Variants in MEGF10 observed in about 807,000 individuals in gnomAD.
MEGF10 encodes the protein multiple epidermal growth factor-like domains protein 10.
MEGF10 carries 86 observed loss-of-function variants against 147.5 expected under a neutral mutation model. The ratio of observed to expected loss-of-function variants is 0.58; its 90% CI spans 0.49 to 0.70. The LOEUF is 0.70. Among genes scored for constraint, MEGF10 ranks in the 30% least tolerant of loss-of-function variants. The pLI is 0.00. For synonymous variants in MEGF10, 478 were observed against 525.5 expected (o/e 0.91, Z 1.24); for missense variants, 1,329 against 1,487.3 (o/e 0.89, Z 1.75).
intron 1 of MEGF10, among the ~76,000 whole-genome samples, chr5:127,303,348 A>AT (rs947775274): frequency 1.8e-4 from 27 of 151,836 alleles, no homozygotes; most frequent in African/African-American, 6.5e-4. Context: ...AAAAAAAAAA[A>AT]AAAAAAAGCA....
rs559878835 is a variant in MEGF10, at chr5:127,295,384, G to A, written c.-19+4328G>A. On this transcript the variant is annotated intron_variant, in intron 1 of 24. Coordinates refer to ENST00000503335, the MANE Select transcript of MEGF10 (RefSeq NM_001256545.2). ...ACCAGCTCAAGTTCAATAAATGTCT[G>A]ATTCAGATGAAAAGATTTGCCATTT... 9.9e-5 allele frequency among the ~76,000 whole-genome samples: 15 copies of A among 152,210 alleles called. No homozygotes were observed. In the South Asian group the frequency reaches 2.5e-3, roughly 25 times the overall value.
At position 127,419,259 on chromosome 5, in the gene MEGF10, G is replaced by A. The variant is rs183730442; in HGVS notation, c.1426+19G>A. The A allele has an allele frequency of 1.1e-4, 171 of 1,607,438 alleles. No homozygotes were observed. The highest frequency in any genetic ancestry group is 1.7e-4 in the Admixed American group (10 of 58,172). The stretch of plus-strand genomic sequence containing the variant: ...AAGGCAGGTAAGAATGGGTAAATAA[G>A]TCTTTAATTTGATCCTGGTCACGTT... On this transcript the variant is annotated intron_variant, in intron 11 of 24. Coordinates refer to ENST00000503335, the MANE Select transcript of MEGF10 (RefSeq NM_001256545.2).
At chr5:127,266,112 G>A in the MEGF10 span, among the ~76,000 whole-genome samples, 1 of 151,816 alleles carries the variant, frequency 6.6e-6, no homozygotes, top group African/African-American at 2.4e-5. Flanking sequence ...GTGTAAGGAA[G>A]GGATCCAGTT....
intron 14 of MEGF10, among the ~76,000 whole-genome samples, chr5:127,433,992 C>T (rs754932470): frequency 4.6e-5 from 7 of 152,228 alleles, no homozygotes; most frequent in Non-Finnish European, 8.8e-5. Context: ...AGACTGTTGA[C>T]ATTGGTCCTT....
chr5:127,285,285 G>T, the MEGF10 span, among the ~76,000 whole-genome samples: 1 of 151,982 alleles, frequency 6.6e-6, no homozygotes, highest in Admixed American at 6.6e-5. Context: ...CCCTTGACAG[G>T]TTCTAAAGAT....
intron 4 of MEGF10, among the ~76,000 whole-genome samples, chr5:127,359,355 T>G (rs1580759832): frequency 6.6e-6 from 1 of 152,076 alleles, no homozygotes; most frequent in Non-Finnish European, 1.5e-5. Context: ...AGGGTTTTTT[T>G]TTGTTGTTTA....
Position 127,430,759 on chromosome 5 carries a change from T to C in MEGF10, c.1694-2604T>C, listed in dbSNP as rs548182671. 3.3e-5 allele frequency among the ~76,000 whole-genome samples: 5 copies of C among 152,312 alleles called. No individual in the cohort carries two copies. The South Asian group carries it at 1.0e-3, about 32-fold the overall frequency. ...GGAAAGACAACTCCACACCTTTCCC[T>C]GGAATTGCCCCCTAACTGAGACATA... On this transcript the variant is annotated intron_variant, in intron 13 of 24. Transcript: ENST00000503335.
intron 1 of MEGF10, among the ~76,000 whole-genome samples, chr5:127,328,986 C>G (rs1761148025): frequency 6.6e-6 from 1 of 152,174 alleles, no homozygotes; most frequent in South Asian, 2.1e-4. Context: ...AAAACTACTA[C>G]TTCTTAGTTA....
the MEGF10 span, among the ~76,000 whole-genome samples, chr5:127,257,741 T>C: frequency 3.3e-5 from 5 of 152,166 alleles, no homozygotes; most frequent in African/African-American, 1.2e-4. Flanking sequence ...TCAAGCATTA[T>C]AAGAAAGCTT....
At chr5:127,308,759 T>TTAGGA (rs1760128366) in intron 1 of MEGF10, among the ~76,000 whole-genome samples, 2 of 152,048 alleles carry the variant, frequency 1.3e-5, no homozygotes, top group Admixed American at 6.6e-5. Context: ...ATATACCTAA[T>TTAGGA]GTTAAATGAC....
intron 4 of MEGF10, among the ~76,000 whole-genome samples, chr5:127,368,578 A>G (rs1473677864): frequency 6.6e-6 from 1 of 152,136 alleles, no homozygotes; most frequent in East Asian, 1.9e-4. Context: ...ATTGCCCCAA[A>G]CACTGCACCC....
intron 1 of MEGF10, among the ~76,000 whole-genome samples, chr5:127,329,218 T>A (rs965752259): frequency 1.3e-5 from 2 of 152,240 alleles, no homozygotes; most frequent in African/African-American, 4.8e-5. Context: ...AATTAATCTA[T>A]AAGTTAATTT....
At chr5:127,382,754 G>A (rs1301780888) in intron 5 of MEGF10, among the ~76,000 whole-genome samples, 1 of 152,164 alleles carries the variant, frequency 6.6e-6, no homozygotes, top group African/African-American at 2.4e-5. Flanking sequence ...AAATTAATAA[G>A]TAAAAGAACC....
intron 8 of MEGF10, among the ~76,000 whole-genome samples, chr5:127,403,860 T>A (rs983844121): frequency 6.6e-6 from 1 of 152,246 alleles, no homozygotes; most frequent in South Asian, 2.1e-4. Flanking sequence ...ACACGTAGGT[T>A]GCTTCCAAAT....
chr5:127,427,930 G>A (rs1284742534), intron 13 of MEGF10, among the ~76,000 whole-genome samples: 1 of 152,124 alleles, frequency 6.6e-6, no homozygotes, highest in Non-Finnish European at 1.5e-5. Context: ...TGTGTCTGCA[G>A]GTTCATATGT....
chr5:127,367,803 A>T (rs1476983983), intron 4 of MEGF10, among the ~76,000 whole-genome samples: 3 of 152,336 alleles, frequency 2.0e-5, no homozygotes, highest in South Asian at 2.1e-4. Context: ...CATAGATGCC[A>T]TCAGTACCTA....
chr5:127,324,122 G>A (rs556030425), intron 1 of MEGF10, among the ~76,000 whole-genome samples: 1 of 152,168 alleles, frequency 6.6e-6, no homozygotes, highest in East Asian at 1.9e-4. Flanking sequence ...TACAATAATA[G>A]GGTATAATTA....
rs1238298311 is a variant in MEGF10 at position 127,447,695 on chromosome 5, T to C, written c.2856+11T>C. ...ATGACTGTCACGAAGGTGAGAGGAATTGGTTCAAGTCTTTGGAAGTGGGCT... is the reference window on the plus strand; with the variant it reads ...ATGACTGTCACGAAGGTGAGAGGAACTGGTTCAAGTCTTTGGAAGTGGGCT... On this transcript the variant is annotated intron_variant, in intron 21 of 24. Transcript: ENST00000503335. The C allele has an allele frequency of 1.9e-5, 30 of 1,613,948 alleles. No homozygotes were observed. Among genetic ancestry groups the C allele is most frequent in the Non-Finnish European group, 2.5e-5 (30 of 1,179,888 alleles).
At chr5:127,371,191 CTGTGTGTGTGTGTGTGTGTGTG>C (rs10591122) in intron 5 of MEGF10, among the ~76,000 whole-genome samples, 176 of 126,258 alleles carry the variant, frequency 1.4e-3, no homozygotes, top group African/African-American at 3.0e-3. Context: ...GGGACTGGGA[CTGTGTGTGTGTGTGTGTGTGTG>C]TGTGTGTGTG....
Sources: gnomAD v4.1 joint callset for allele counts (sites outside exome capture counted in the v4.1 genomes callset) on GRCh38, gnomAD v4.1.1 for gene constraint, MANE v1.5 for transcripts, NCBI Gene and HGNC (gene_info 2026-07-23, HGNC 2026-07-21) for gene names.